Variants in CCDC102A observed in about 807,000 individuals in gnomAD.
CCDC102A encodes the protein coiled-coil domain-containing protein 102A.
Under a neutral mutation model 55.5 loss-of-function variants are expected in CCDC102A, and 40 were observed. The ratio of observed to expected loss-of-function variants is 0.72; its 90% confidence interval spans 0.56 to 0.94. The LOEUF is 0.94. Ranked by LOEUF, CCDC102A falls within the 40% of genes least tolerant of loss-of-function variation. The pLI is 0.00. For synonymous variants in CCDC102A, 323 were observed against 339.0 expected (o/e 0.95, Z 0.52); for missense variants, 779 against 768.6 (o/e 1.01, Z -0.16).
At chr16:57,535,183 C>T (rs1464626064) in intron 1 of CCDC102A, among the ~76,000 whole-genome samples, 2 of 152,160 alleles carry the variant, frequency 1.3e-5, no homozygotes, top group African/African-American at 2.4e-5. Flanking sequence ...CCACAGACTG[C>T]GGGCACCTGT....
In CCDC102A at chr16:57,525,979, G is replaced by A. The variant is rs563952674; in HGVS notation, c.734C>T (p.Thr245Met). The change falls in exon 3 of 9, where the codon ACG becomes ATG. Residue 245 changes from threonine to methionine, a missense_variant. Coordinates refer to ENST00000258214, the MANE Select transcript of CCDC102A (RefSeq NM_033212.4). ...SRLPWEDTAA[T>M]EEEASKLTAL... ...GGTCAACTTGGAGGCCTCCTCCTCC[G>A]TGGCAGCTGTGTCCTCCCAGGGTAG... 74 of 1,611,570 alleles carry A rather than the reference G, an allele frequency of 4.6e-5. No homozygotes were observed. Among genetic ancestry groups the A allele is most frequent in the Middle Eastern group, 3.3e-4 (2 of 6,052 alleles).
At chr16:57,521,505 C>T (rs1450124531) in intron 3 of CCDC102A, among the ~76,000 whole-genome samples, 2 of 152,178 alleles carry the variant, frequency 1.3e-5, no homozygotes, top group South Asian at 2.1e-4. Flanking sequence ...GTGGCGGCCC[C>T]AGCACTGGCC....
chr16:57,515,525 C>T, intron 7 of CCDC102A, 81 bp from the exon 8 acceptor site: 2 of 802,846 alleles, frequency 2.5e-6, no homozygotes, highest in South Asian at 2.9e-5. Flanking sequence ...GAAAACCACT[C>T]CTGCTGTTCC....
rs752938855 is a variant in CCDC102A, at chr16:57,512,888, CAGG to C, written c.1524-21_1524-19del. On this transcript the variant is annotated intron_variant, in intron 8 of 8. Transcript: ENST00000258214. ...TGCGGAGCCTGTGGGGTGGGGGTGACAGGAGGTTAGAGCAGCCTGGCTGGTAGT... is the reference window on the plus strand; with the variant it reads ...TGCGGAGCCTGTGGGGTGGGGGTGACAGGTTAGAGCAGCCTGGCTGGTAGT... 3 of 1,609,926 alleles carry C rather than the reference CAGG, an allele frequency of 1.9e-6. No homozygotes were observed. The highest frequency in any genetic ancestry group is 2.5e-6 in the Non-Finnish European group (3 of 1,178,600).
At position 57,529,274 on chromosome 16, in the gene CCDC102A, G is replaced by A; in HGVS notation, c.-97C>T. 9.0e-7 allele frequency: 1 copy of A among 1,117,250 alleles called. No homozygotes were observed. Among genetic ancestry groups the A allele is most frequent in the Non-Finnish European group, 1.1e-6 (1 of 913,198 alleles). 69.2% of individuals were successfully genotyped at this position (1,117,250 alleles called of 1,614,324 possible). A position where few individuals can be genotyped will look rare whatever the true frequency, so the allele number is the denominator to read the frequency against. ...GCGCGATACAACTGTGCATGATGAC[G>A]CCGTGCCCCGCTTCCCTCTGGGCCA... On this transcript the variant is annotated 5_prime_UTR_variant, in exon 2 of 9. Coordinates refer to ENST00000258214, the MANE Select transcript of CCDC102A (RefSeq NM_033212.4). The surrounding 1 kb of genome is among the most constrained non-coding windows in gnomAD (Gnocchi z 4.1).
At chr16:57,524,911 G>T (rs1162236248) in intron 3 of CCDC102A, among the ~76,000 whole-genome samples, 1 of 152,026 alleles carries the variant, frequency 6.6e-6, no homozygotes, top group Non-Finnish European at 1.5e-5. Flanking sequence ...TGTCCTCCGG[G>T]AAACGGTTTC....
At chr16:57,521,613 C>G (rs1490858219) in intron 3 of CCDC102A, among the ~76,000 whole-genome samples, 1 of 152,244 alleles carries the variant, frequency 6.6e-6, no homozygotes, top group Non-Finnish European at 1.5e-5. Context: ...AAGGCTTGGT[C>G]TGAACACATG....
intron 4 of CCDC102A, 113 bp downstream of exon 4, chr16:57,520,955 A>AT: frequency 2.7e-6 from 2 of 734,784 alleles, no homozygotes; most frequent in East Asian, 2.6e-5. Context: ...AAAAAAAAAA[A>AT]GAACAACTGT....
At chr16:57,520,085 G>C (rs373220990) in intron 4 of CCDC102A, among the ~76,000 whole-genome samples, 138 of 152,300 alleles carry the variant, frequency 9.1e-4, no homozygotes, top group African/African-American at 3.2e-3. Context: ...AGCTCCCTGG[G>C]CTGCCATGAG....
intron 1 of CCDC102A, among the ~76,000 whole-genome samples, chr16:57,531,341 G>A (rs34803195): frequency 0.36 from 53,717 of 150,936 alleles, 9,647 homozygotes; most frequent in East Asian, 0.44. Flanking sequence ...CCTGAAATCT[G>A]CCTTCTTTCC....
At chr16:57,526,187 A>G (rs2032139832) in intron 2 of CCDC102A, 60 bp from the exon 3 acceptor site, 1 of 1,277,950 alleles carries the variant, frequency 7.8e-7, no homozygotes, top group Non-Finnish European at 1.1e-6. Context: ...TGGGTCTGAG[A>G]TCAGCTTGAT....
At chr16:57,518,917 A>G (rs1205016817) in intron 4 of CCDC102A, among the ~76,000 whole-genome samples, 176 bp from the exon 5 acceptor site, 1 of 151,832 alleles carries the variant, frequency 6.6e-6, no homozygotes, top group Non-Finnish European at 1.5e-5. Flanking sequence ...GCTCCTCCCA[A>G]TGTCTCTCCT....
intron 4 of CCDC102A, among the ~76,000 whole-genome samples, chr16:57,519,303 C>T (rs892968772): frequency 6.6e-6 from 1 of 152,190 alleles, no homozygotes; most frequent in South Asian, 2.1e-4. Context: ...GACCTAAAGG[C>T]CCCCTCCTTA....
chr16:57,517,770 G>A (rs2031979959), intron 6 of CCDC102A, among the ~76,000 whole-genome samples: 1 of 152,230 alleles, frequency 6.6e-6, no homozygotes. Flanking sequence ...ATGAATCTGT[G>A]TGACAGAGAG....
At chr16:57,518,362 C>G in intron 5 of CCDC102A, 85 bp from the exon 6 acceptor site, 1 of 1,313,238 alleles carries the variant, frequency 7.6e-7, no homozygotes, top group Non-Finnish European at 1.0e-6. Flanking sequence ...CCTCCTGGAG[C>G]CATTTTTGGC....
chr16:57,514,127 C>T (rs1268240387), intron 8 of CCDC102A, among the ~76,000 whole-genome samples: 5 of 152,156 alleles, frequency 3.3e-5, no homozygotes, highest in Admixed American at 1.3e-4. Context: ...CCCTCCGCAG[C>T]GGTAGTAGTA....
rs772126380 is a variant in CCDC102A, at chr16:57,512,727, A to G, written c.*14T>C. ...AGGTATGGGGCGGCCCATCCTGCCC[A>G]GCCACAGGAAGCTCTAGGCCACCTG... On this transcript the variant is annotated 3_prime_UTR_variant, in exon 9 of 9. Transcript: ENST00000258214. 3.1e-6 allele frequency: 5 copies of G among 1,611,838 alleles called. No individual in the cohort carries two copies. The South Asian group carries it at 5.5e-5, about 18-fold the overall frequency.
chr16:57,521,499 C>T (rs1359060151), intron 3 of CCDC102A, among the ~76,000 whole-genome samples: 2 of 152,212 alleles, frequency 1.3e-5, no homozygotes, highest in African/African-American at 4.8e-5. Flanking sequence ...CAGGAGGTGG[C>T]GGCCCCAGCA....
In CCDC102A at chr16:57,528,735, C is replaced by G; in HGVS notation, c.443G>C (p.Gly148Ala). 3 of 1,170,586 alleles carry G rather than the reference C, an allele frequency of 2.6e-6. No individual in the cohort carries two copies. Among genetic ancestry groups the G allele is most frequent in the Non-Finnish European group, 3.2e-6 (3 of 939,902 alleles). The allele number at this position is 1,170,586 out of a possible 1,614,324, so 72.5% of individuals were successfully genotyped here. A position where few individuals can be genotyped will look rare whatever the true frequency, so the allele number is the denominator to read the frequency against. Residue 148 changes from glycine to alanine, a missense_variant, in exon 2 of 9, where the codon GGC becomes GCC. Transcript: ENST00000258214. Reference sequence around the variant, plus strand: ...CTCGCGGCCCCGTGCCTCGCACTCGCCCTGCGCCTCTTGGCGCTCGCGCCG... The same window carrying G: ...CTCGCGGCCCCGTGCCTCGCACTCGGCCTGCGCCTCTTGGCGCTCGCGCCG... ...GARRERQEAQ[G>A]ECEARGRELA...
Sources: gnomAD v4.1 joint callset for allele counts (sites outside exome capture counted in the v4.1 genomes callset) on GRCh38, gnomAD v4.1.1 for gene constraint, Gnocchi (gnomAD v3.1) non-coding constraint, MANE v1.5 for transcripts, NCBI Gene and HGNC (gene_info 2026-07-23, HGNC 2026-07-21) for gene names.